SOD2: variants seen among roughly 807,000 people sequenced by gnomAD.
The protein encoded by SOD2 is superoxide dismutase [Mn], mitochondrial.
A neutral mutation model predicts 27.0 loss-of-function variants in SOD2; 11 were observed. That is an observed-to-expected ratio of 0.41 (90% CI 0.26 to 0.67). The LOEUF (loss-of-function observed/expected upper bound fraction) is 0.67, where lower values mean the gene tolerates loss of function less well. Ranked by LOEUF, SOD2 falls within the 30% of genes least tolerant of loss-of-function variation. The probability of loss-of-function intolerance (pLI) is 0.34; values close to 1 mark genes in which losing one functional copy is unlikely to be tolerated. For missense variants in SOD2, 250 were observed against 274.5 expected (o/e 0.91, Z 0.63); for synonymous variants, 105 against 103.0 (o/e 1.02, Z -0.12).
chr6:159,698,571 CAAAAAAAAAAAAA>C (rs66652436), intron 1 of SOD2, among the ~76,000 whole-genome samples: 2 of 95,724 alleles, frequency 2.1e-5, no homozygotes, highest in Non-Finnish European at 3.9e-5. Context: ...GACCTTGTCT[CAAAAAAAAAAAAA>C]AAAAAAAAAA....
chr6:159,720,305 C>T (rs555689516), intron 1 of SOD2: 1 of 152,364 alleles, frequency 6.6e-6, no homozygotes, highest in Non-Finnish European at 1.5e-5. Flanking sequence ...CCACCTCGGC[C>T]TCCTAGAGTG....
chr6:159,698,176 G>A (rs1777458816), upstream of SOD2, among the ~76,000 whole-genome samples: 2 of 152,206 alleles, frequency 1.3e-5, no homozygotes, highest in South Asian at 4.1e-4. Flanking sequence ...GGGAGGCTGA[G>A]GCAGAAGAAT....
chr6:159,702,599 A>G (rs1398294614), intron 1 of SOD2, among the ~76,000 whole-genome samples: 1 of 148,164 alleles, frequency 6.7e-6, no homozygotes, highest in South Asian at 2.1e-4. Flanking sequence ...TGCCCAGCCT[A>G]TAAACAATTT....
intron 1 of SOD2, among the ~76,000 whole-genome samples, chr6:159,711,701 T>C (rs1777776416): frequency 9.5e-6 from 1 of 105,356 alleles, no homozygotes. Flanking sequence ...TAACCACCAC[T>C]CACACTGCTC....
At chr6:159,716,164 TC>T (rs1215806105) in intron 1 of SOD2, among the ~76,000 whole-genome samples, 1 of 152,178 alleles carries the variant, frequency 6.6e-6, no homozygotes, top group African/African-American at 2.4e-5. Context: ...GCCCTTCCTC[TC>T]TAAGTTAGAA....
chr6:159,726,734 C>A (rs955099990), intron 1 of SOD2: 66 of 1,278,168 alleles, frequency 5.2e-5, no homozygotes, highest in Non-Finnish European at 6.7e-5. Context: ...CGCCAGAGAA[C>A]AATAGCTCCT....
At chr6:159,702,844 T>C (rs2114809444) in intron 1 of SOD2, among the ~76,000 whole-genome samples, 1 of 74,688 alleles carries the variant, frequency 1.3e-5, no homozygotes, top group African/African-American at 5.5e-5. Flanking sequence ...AGCAAGACCC[T>C]ATCTCGAAAA....
At chr6:159,731,158 A>G (rs1583063466), upstream of SOD2, among the ~76,000 whole-genome samples, 3 of 151,816 alleles carry the variant, frequency 2.0e-5, no homozygotes, top group African/African-American at 7.3e-5. Context: ...AGAAAAAAAG[A>G]AAAGAAATTT....
chr6:159,732,658 A>C (rs1422632543), intron 1 of SOD2, among the ~76,000 whole-genome samples: 2 of 152,052 alleles, frequency 1.3e-5, no homozygotes, highest in African/African-American at 4.8e-5. Context: ...AACATGGTGA[A>C]ACTAAAAATA....
intron 1 of SOD2, chr6:159,755,117 C>T (rs762307701): frequency 1.9e-6 from 3 of 1,614,170 alleles, no homozygotes; most frequent in Admixed American, 1.7e-5. Flanking sequence ...GAAGGAGACA[C>T]GCCAGCAGTT....
exon 1 of SOD2, chr6:159,727,174 T>C (rs1435719058): frequency 8.3e-6 from 10 of 1,204,344 alleles, no homozygotes; most frequent in Non-Finnish European, 1.1e-5. Context: ...GCCAGGCTCC[T>C]GGGAAAGGAC....
chr6:159,753,490 T>C, intron 1 of SOD2: 1 of 1,614,180 alleles, frequency 6.2e-7, no homozygotes, highest in South Asian at 1.1e-5. Context: ...TGGCGAAGTG[T>C]CGAATGCTTA....
At position 159,692,860 on chromosome 6, in the gene SOD2, G is replaced by C; in HGVS notation, c.27C>G (p.Thr9=). ...CCAAAACCGGAGCCAGCTGCCTGCT[G>C]GTGCTGAAGACGAGAAAGCACAGCC... MLSRAVCG[T]SRQLAPVLGY... The change falls in exon 2 of 5, where the codon ACC becomes ACG. Residue 9 remains threonine, a synonymous_variant. Coordinates refer to ENST00000538183, the MANE Select transcript of SOD2 (RefSeq NM_000636.4). 6.2e-7 allele frequency: 1 copy of C among 1,604,622 alleles called. No homozygotes were observed. The highest frequency in any genetic ancestry group is 8.5e-7 in the Non-Finnish European group (1 of 1,176,444).
intron 1 of SOD2, among the ~76,000 whole-genome samples, chr6:159,750,489 C>G (rs114667352): frequency 6.6e-6 from 1 of 152,192 alleles, no homozygotes; most frequent in Non-Finnish European, 1.5e-5. Context: ...TCCTCATTCT[C>G]TTCTCCAAGA....
At chr6:159,728,298 G>A (rs953112243), upstream of SOD2, among the ~76,000 whole-genome samples, 1 of 152,072 alleles carries the variant, frequency 6.6e-6, no homozygotes, top group Admixed American at 6.5e-5. Flanking sequence ...TCATAAGTCT[G>A]TGTACACGTA....
In SOD2 at chr6:159,740,684, GTT is replaced by G. The variant is rs1030103788; in HGVS notation, c.-116+4444_-116+4445del. Among the ~76,000 whole-genome samples the G allele has an allele frequency of 1.1e-4, 15 of 142,544 alleles. 1 individual carries two copies. Among genetic ancestry groups the G allele is most frequent in the African/African-American group, 3.8e-4 (15 of 39,078 alleles). 93.5% of individuals were successfully genotyped at this position (142,544 alleles called of 152,430 possible). On this transcript the variant is annotated intron_variant, in intron 1 of 3. Coordinates refer to the SOD2 transcript ENST00000537657. ...AGTGGATTAGTTTGGTATTAGGAAG[GTT>G]TTTTTTTTTTCTTTTTTCTTTCTTT...
chr6:159,719,922 C>G (rs1361228631), intron 1 of SOD2, among the ~76,000 whole-genome samples: 1 of 151,364 alleles, frequency 6.6e-6, no homozygotes, highest in East Asian at 2.0e-4. Flanking sequence ...CAGGGTTTCA[C>G]CATGTTGGCT....
chr6:159,751,557 A>G (rs1170294490), intron 1 of SOD2, among the ~76,000 whole-genome samples: 4 of 152,196 alleles, frequency 2.6e-5, no homozygotes, highest in Non-Finnish European at 4.4e-5. Flanking sequence ...GAGAGTGCTG[A>G]TGGGAAATGG....
At chr6:159,714,339 A>G (rs1022914185) in intron 1 of SOD2, among the ~76,000 whole-genome samples, 2 of 152,102 alleles carry the variant, frequency 1.3e-5, no homozygotes, top group Non-Finnish European at 2.9e-5. Context: ...TGAGTCCCAC[A>G]CTGGCTGACA....
Sources: gnomAD v4.1 joint callset for allele counts (sites outside exome capture counted in the v4.1 genomes callset) on GRCh38, gnomAD v4.1.1 for gene constraint, MANE v1.5 for transcripts, NCBI Gene and HGNC (gene_info 2026-07-23, HGNC 2026-07-21) for gene names.